DLEU7: variants seen among roughly 807,000 people sequenced by gnomAD.
DLEU7 encodes the protein leukemia-associated protein 7.
In DLEU7, 17 loss-of-function variants were observed where a neutral mutation model predicts 16.0. The ratio of observed to expected loss-of-function variants is 1.06; its 90% confidence interval spans 0.73 to 1.59. The LOEUF is 1.59. DLEU7 is among the 40% of genes most tolerant of loss of function. DLEU7 has a pLI of 0.00. For synonymous variants in DLEU7, 113 were observed against 139.8 expected (o/e 0.81, Z 1.35); for missense variants, 308 against 314.9 (o/e 0.98, Z 0.17).
intron 1 of DLEU7, among the ~76,000 whole-genome samples, chr13:50,719,332 A>G (rs1301546467): frequency 6.6e-6 from 1 of 152,210 alleles, no homozygotes; most frequent in East Asian, 1.9e-4. Context: ...GAGAGTGGAA[A>G]TATACTTATA....
intron 1 of DLEU7, among the ~76,000 whole-genome samples, chr13:50,842,953 C>T (rs1175496381): frequency 6.6e-6 from 1 of 151,980 alleles, no homozygotes; most frequent in Non-Finnish European, 1.5e-5. Flanking sequence ...CAAGGCAGTC[C>T]CCACATCTCG....
At chr13:50,840,713 G>GA (rs944744791) in intron 1 of DLEU7, among the ~76,000 whole-genome samples, 2 of 152,058 alleles carry the variant, frequency 1.3e-5, no homozygotes, top group African/African-American at 4.8e-5. Flanking sequence ...TAAGGAGAGA[G>GA]AAAATTGATA....
intron 1 of DLEU7, among the ~76,000 whole-genome samples, chr13:50,727,194 G>A (rs1168407252): frequency 3.1e-4 from 46 of 150,484 alleles, no homozygotes; most frequent in Admixed American, 3.0e-3. Context: ...AGAATAAGAA[G>A]TTCTGTACGC....
intron 1 of DLEU7, among the ~76,000 whole-genome samples, chr13:50,748,228 C>CTTTTTTTTTTTTTTTTTTT (rs71085044): frequency 3.4e-5 from 3 of 89,218 alleles, no homozygotes; most frequent in African/African-American, 4.3e-5. Context: ...ACTCCTTAAA[C>CTTTTTTTTTTTTTTTTTTT]TTTTTTTTTT....
At chr13:50,711,155 T>C (rs564563634), downstream of DLEU7, 54 of 152,328 alleles carry the variant, frequency 3.5e-4, no homozygotes, top group African/African-American at 1.3e-3. Context: ...AATATTGGTA[T>C]TTTCTGTACC....
chr13:50,743,930 A>G (rs1874320955), intron 1 of DLEU7, among the ~76,000 whole-genome samples: 1 of 152,186 alleles, frequency 6.6e-6, no homozygotes, highest in African/African-American at 2.4e-5. Flanking sequence ...CTGCAAACTC[A>G]TCCTTCCATA....
rs543496338 is a variant in DLEU7, at chr13:50,765,985, C to G, written c.460-52745G>C. On this transcript the variant is annotated intron_variant, in intron 1 of 1. Transcript: ENST00000400393. Reference sequence around the variant, plus strand: ...TTTCTACTTGACATTAGCTTTTGGACTTTTTCAGAAGATTTCTTAAATGTA... The same window carrying G: ...TTTCTACTTGACATTAGCTTTTGGAGTTTTTCAGAAGATTTCTTAAATGTA... 4.0e-4 allele frequency among the ~76,000 whole-genome samples: 61 copies of G among 151,946 alleles called. 1 individual carries two copies. The South Asian group carries it at 0.012, about 30-fold the overall frequency.
At chr13:50,807,150 TA>T (rs2137786416) in intron 1 of DLEU7, among the ~76,000 whole-genome samples, 1 of 148,568 alleles carries the variant, frequency 6.7e-6, no homozygotes, top group South Asian at 2.1e-4. Context: ...TTGTTATCTT[TA>T]AATTTTTTTA....
intron 1 of DLEU7, among the ~76,000 whole-genome samples, chr13:50,717,867 G>A (rs999677921): frequency 2.4e-4 from 36 of 152,170 alleles, no homozygotes; most frequent in Admixed American, 1.6e-3. Flanking sequence ...TTACAAAGCA[G>A]GCAAAATGAA....
chr13:50,784,928 AAGAG>A (rs1345971756), intron 1 of DLEU7, among the ~76,000 whole-genome samples: 6 of 152,178 alleles, frequency 3.9e-5, no homozygotes, highest in Non-Finnish European at 8.8e-5. Flanking sequence ...TTTCTTACTG[AAGAG>A]AGTCTGGGGA....
chr13:50,784,267 A>G (rs950083749), intron 1 of DLEU7, among the ~76,000 whole-genome samples: 1 of 152,328 alleles, frequency 6.6e-6, no homozygotes, highest in Non-Finnish European at 1.5e-5. Context: ...CTTACTTCAG[A>G]ACATTGGTCC....
chr13:50,763,910 A>G (rs1434261774), intron 1 of DLEU7, among the ~76,000 whole-genome samples: 1 of 152,230 alleles, frequency 6.6e-6, no homozygotes, highest in Non-Finnish European at 1.5e-5. Context: ...GTGTCTGTGA[A>G]AACACCTGAT....
chr13:50,711,384 T>C (rs1167233130), downstream of DLEU7: 2 of 152,256 alleles, frequency 1.3e-5, no homozygotes, highest in African/African-American at 4.8e-5. Context: ...TCAGTAGATC[T>C]TGACTTCGGT....
At chr13:50,778,153 T>G (rs754968018) in intron 1 of DLEU7, among the ~76,000 whole-genome samples, 13 of 152,094 alleles carry the variant, frequency 8.5e-5, no homozygotes, top group Non-Finnish European at 1.6e-4. Flanking sequence ...ACTTATACAA[T>G]CATAGCAGAA....
Position 50,843,557 on chromosome 13 carries a change from C to T in DLEU7, c.90G>A (p.Trp30Ter), listed in dbSNP as rs1238190273. Residue 30 changes from tryptophan to a stop codon, truncating the protein, a stop_gained, in exon 1 of 2, where the codon TGG becomes TGA. Transcript: ENST00000504404. LOFTEE classifies it high-confidence loss of function. This position sits in a 1 kb window ranked among gnomAD's most constrained non-coding sequence, Gnocchi z 5.7. Reference protein sequence around the residue: ...TLQLLQQEWGWGDGPVAPGNP... With the variant: ...TLQLLQQEWG Reference sequence around the variant, plus strand: ...TCCCGGGGGCGACTGGACCGTCCCCCCAGCCCCACTCCTGCTGCAGCAGCT... The same window carrying T: ...TCCCGGGGGCGACTGGACCGTCCCCTCAGCCCCACTCCTGCTGCAGCAGCT... 6.1e-6 allele frequency: 9 copies of T among 1,482,854 alleles called. No homozygotes were observed. The highest frequency in any genetic ancestry group is 7.1e-6 in the Non-Finnish European group (8 of 1,125,302). The allele number at this position is 1,482,854 out of a possible 1,614,324, so 91.9% of individuals were successfully genotyped here.
intron 1 of DLEU7, among the ~76,000 whole-genome samples, chr13:50,834,663 A>C (rs1877391636): frequency 6.6e-6 from 1 of 152,144 alleles, no homozygotes. Flanking sequence ...AACCAGAAAT[A>C]CCATTAGACC....
At chr13:50,764,987 ATTC>A (rs1326124331) in intron 1 of DLEU7, among the ~76,000 whole-genome samples, 1 of 152,138 alleles carries the variant, frequency 6.6e-6, no homozygotes, top group African/African-American at 2.4e-5. Flanking sequence ...TGTTCAAGCA[ATTC>A]TTCTGCCACA....
intron 1 of DLEU7, among the ~76,000 whole-genome samples, chr13:50,749,122 C>T (rs1566237590): frequency 6.9e-6 from 1 of 145,080 alleles, no homozygotes; most frequent in Non-Finnish European, 1.5e-5. Flanking sequence ...TCCCACATAT[C>T]AGCGAGAGCA....
intron 1 of DLEU7, among the ~76,000 whole-genome samples, chr13:50,811,565 TC>T (rs1876567576): frequency 6.6e-6 from 1 of 152,112 alleles, no homozygotes; most frequent in African/African-American, 2.4e-5. Flanking sequence ...TGTGGCTCAG[TC>T]CAGGAAGAAA....
Sources: gnomAD v4.1 joint callset for allele counts (sites outside exome capture counted in the v4.1 genomes callset) on GRCh38, gnomAD v4.1.1 for gene constraint, Gnocchi (gnomAD v3.1) non-coding constraint, MANE v1.5 for transcripts, NCBI Gene and HGNC (gene_info 2026-07-23, HGNC 2026-07-21) for gene names.